Variants in NPRL2 observed in about 807,000 individuals in gnomAD.
NPRL2 encodes the protein NPR2 like, GATOR1 complex subunit.
Under a neutral mutation model 51.1 loss-of-function variants are expected in NPRL2, and 21 were observed. The observed-to-expected ratio is 0.41, with a 90% CI of 0.29 to 0.59. NPRL2 has a LOEUF of 0.59. NPRL2 is among the 20% of genes least tolerant of loss of function. The probability of loss-of-function intolerance (pLI) is 0.29; values close to 1 mark genes in which losing one functional copy is unlikely to be tolerated. For missense variants in NPRL2, 376 were observed against 483.4 expected, an observed-to-expected ratio of 0.78 and a Z score of 2.08; for synonymous variants, 175 against 187.8, an observed-to-expected ratio of 0.93 and a Z score of 0.56.
chr3:50,348,890 T>C lies in NPRL2; in HGVS notation c.569A>G (p.Asp190Gly). 1 of 1,613,966 alleles carries C rather than the reference T, an allele frequency of 6.2e-7. No homozygotes were observed. The highest frequency in any genetic ancestry group is 1.6e-4 in the Middle Eastern group (1 of 6,062). ...DKEDFFNSQW[D>G]LTTQQILPYI... is the part of the protein sequence containing the mutation. Reference sequence around the variant, plus strand: ...ATGGCATACTTGTTGTGTAGTGAGGTCCCACTGTGAGTTGAAGAAATCCTC... The same window carrying C: ...ATGGCATACTTGTTGTGTAGTGAGGCCCCACTGTGAGTTGAAGAAATCCTC... Residue 190 changes from aspartate to glycine, a missense_variant, in exon 5 of 11, where the codon GAC becomes GGC. Asp to Gly is a moderately conservative substitution (Grantham distance 94, BLOSUM62 -1). Transcript: ENST00000232501. The surrounding 1 kb of genome is among the most constrained non-coding windows in gnomAD (Gnocchi z 5.8).
At position 50,348,899 on chromosome 3, in the gene NPRL2, G is replaced by A. The variant is rs1703650299; in HGVS notation, c.560C>T (p.Ser187Leu). Residue 187 changes from serine to leucine, a missense_variant, in exon 5 of 11, where the codon TCA (serine) becomes TTA (leucine). Transcript: ENST00000232501. This position sits in a 1 kb window ranked among gnomAD's most constrained non-coding sequence, Gnocchi z 5.8. ...TTGTTGTGTAGTGAGGTCCCACTGTGAGTTGAAGAAATCCTCCTTGTCTTT... is the reference window on the plus strand; with the variant it reads ...TTGTTGTGTAGTGAGGTCCCACTGTAAGTTGAAGAAATCCTCCTTGTCTTT... The part of the protein sequence containing the change: ...FTKDKEDFFN[S>L]QWDLTTQQIL... 1.9e-6 allele frequency: 3 copies of A among 1,613,952 alleles called. No individual in the cohort carries two copies. Among genetic ancestry groups the A allele is most frequent in the Non-Finnish European group, 2.5e-6 (3 of 1,180,030 alleles).
Position 50,347,650 on chromosome 3 carries a change from C to T in NPRL2, c.1099G>A (p.Glu367Lys), listed in dbSNP as rs1453959857. The part of the protein sequence containing the change: ...KTGMSYHELD[E>K]RLENDPNIII... ...ATGTTGGGGTCATTTTCAAGCCGCTCATCCAGCTCATGGTAGCTCATGCCT... is the reference window on the plus strand; with the variant it reads ...ATGTTGGGGTCATTTTCAAGCCGCTTATCCAGCTCATGGTAGCTCATGCCT... The change falls in exon 11 of 11, where the codon GAG becomes AAG. Residue 367 changes from glutamate to lysine, a missense_variant. Glu to Lys is a moderately conservative substitution (Grantham distance 56, BLOSUM62 1). Coordinates refer to ENST00000232501, the MANE Select transcript of NPRL2 (RefSeq NM_006545.5). The T allele has an allele frequency of 6.2e-7, 1 of 1,614,110 alleles. No individual in the cohort carries two copies. The highest frequency in any genetic ancestry group is 8.5e-7 in the Non-Finnish European group (1 of 1,180,046).
rs766898010 is a variant in NPRL2, at chr3:50,350,740, G to A, written c.-88C>T. 6.6e-7 allele frequency: 1 copy of A among 1,518,242 alleles called. No homozygotes were observed. The highest frequency in any genetic ancestry group is 2.5e-5 in the East Asian group (1 of 40,548). The allele number at this position is 1,518,242 out of a possible 1,614,324, so 94.0% of individuals were successfully genotyped here. On this transcript the variant is annotated 5_prime_UTR_variant, in exon 1 of 11. Transcript: ENST00000232501. The surrounding 1 kb of genome is among the most constrained non-coding windows in gnomAD (Gnocchi z 5.7). The stretch of plus-strand genomic sequence containing the variant: ...GTGAACACTTGTCAGAGACAGCCTC[G>A]AGGCCTGTGTCGCTGGGGCACGCAA...
In NPRL2 at chr3:50,347,346, TTTTTTTTTTTG is replaced by T; in HGVS notation, c.*249_*259del. 3 of 238,888 alleles carry T rather than the reference TTTTTTTTTTTG, an allele frequency of 1.3e-5. No homozygotes were observed. Among genetic ancestry groups the T allele is most frequent in the Non-Finnish European group, 1.6e-5 (2 of 122,974 alleles). 14.8% of individuals were successfully genotyped at this position (238,888 alleles called of 1,614,324 possible). On this transcript the variant is annotated 3_prime_UTR_variant, in exon 11 of 11. Transcript: ENST00000232501. The stretch of plus-strand genomic sequence containing the variant: ...TCAGGACGATTTTTTTTTTTTTTTT[TTTTTTTTTTTG>T]TAATTAACCGGCACTTTTATTTGTC...
rs995558556 is a variant in NPRL2, at chr3:50,348,812, A to G, written c.586-30T>C. 2 of 1,614,018 alleles carry G rather than the reference A, an allele frequency of 1.2e-6. No individual in the cohort carries two copies. Among genetic ancestry groups the G allele is most frequent in the African/African-American group, 2.7e-5 (2 of 75,046 alleles). On this transcript the variant is annotated intron_variant, in intron 5 of 10. Transcript: ENST00000232501. This position sits in a 1 kb window ranked among gnomAD's most constrained non-coding sequence, Gnocchi z 5.8. ...GCAGAGTGGGACAAGGTCAGAAGAAACAGGATGAGGCCAGGGCTGTGGCCA... is the reference window on the plus strand; with the variant it reads ...GCAGAGTGGGACAAGGTCAGAAGAAGCAGGATGAGGCCAGGGCTGTGGCCA...
Position 50,348,457 on chromosome 3 carries a change from A to G in NPRL2, c.721-47T>C. ...AGGGGCCTGAGTGAGGGGCTTGGGA[A>G]GCTGACACAGCCCTGGTCTGGTCCA... On this transcript the variant is annotated intron_variant, in intron 7 of 10. Coordinates refer to ENST00000232501, the MANE Select transcript of NPRL2 (RefSeq NM_006545.5). The surrounding 1 kb of genome is among the most constrained non-coding windows in gnomAD (Gnocchi z 5.8). 1 of 1,613,324 alleles carries G rather than the reference A, an allele frequency of 6.2e-7. No homozygotes were observed. The highest frequency in any genetic ancestry group is 8.5e-7 in the Non-Finnish European group (1 of 1,179,456).
chr3:50,347,753 C>T lies in NPRL2; in HGVS notation c.1075+6G>A, dbSNP rs587606545. The T allele has an allele frequency of 6.2e-6, 10 of 1,613,948 alleles. No homozygotes were observed. In the South Asian group the frequency reaches 8.8e-5, roughly 14 times the overall value. ...GAACCCACCCTGACTGCCCGCCTGC[C>T]TCCACCTGTCTTGCAGCAGATCTCG... On this transcript the variant is annotated splice_donor_region_variant and intron_variant, in intron 10 of 10. Coordinates refer to ENST00000232501, the MANE Select transcript of NPRL2 (RefSeq NM_006545.5).
chr3:50,349,403 C>T lies in NPRL2; in HGVS notation c.431G>A (p.Arg144Gln), dbSNP rs766337806. 39 of 1,613,394 alleles carry T rather than the reference C, an allele frequency of 2.4e-5. No individual in the cohort carries two copies. The South Asian group carries it at 3.2e-4, about 13-fold the overall frequency. The change falls in exon 4 of 11, where the codon CGG (arginine) becomes CAG (glutamine). Residue 144 changes from arginine to glutamine, a missense_variant. Coordinates refer to ENST00000232501, the MANE Select transcript of NPRL2 (RefSeq NM_006545.5). This position sits in a 1 kb window ranked among gnomAD's most constrained non-coding sequence, Gnocchi z 4.6. ...GGCCATACCAATGGGCAGAGTGCAC[C>T]GGCCTGAGGCATTTAGCTCCTCCAG... ...ILLEELNASG[R>Q]CTLPIDESNT...
chr3:50,347,736 C>T (rs374135407), intron 10 of NPRL2, 23 bp downstream of exon 10: 34 of 1,613,672 alleles, frequency 2.1e-5, no homozygotes, highest in Non-Finnish European at 2.7e-5. Flanking sequence ...CTGAACCCAC[C>T]CTGACTGCCC....
At position 50,349,783 on chromosome 3, in the gene NPRL2, T is replaced by C. The variant is rs767360726; in HGVS notation, c.221A>G (p.Lys74Arg). 3.7e-6 allele frequency: 6 copies of C among 1,613,972 alleles called. No homozygotes were observed. Among genetic ancestry groups the C allele is most frequent in the Non-Finnish European group, 4.2e-6 (5 of 1,179,994 alleles). Residue 74 changes from lysine (K) to arginine (R), a missense_variant, in exon 3 of 11, where the codon AAG becomes AGG. Coordinates refer to ENST00000232501, the MANE Select transcript of NPRL2 (RefSeq NM_006545.5). This position sits in a 1 kb window ranked among gnomAD's most constrained non-coding sequence, Gnocchi z 4.6. Reference sequence around the variant, plus strand: ...GAGGAGAGCATTGCGGCTGTACTTCTTGTGTTCGATGCACACAGGACAGCC... The same window carrying C: ...GAGGAGAGCATTGCGGCTGTACTTCCTGTGTTCGATGCACACAGGACAGCC... The part of the protein sequence containing the change: ...LIGCPVCIEH[K>R]KYSRNALLFN...
Position 50,349,284 on chromosome 3 carries a change from C to T in NPRL2, c.448+102G>A. ...ACCTCAGCCCATGGCTATTTCCTGC[C>T]CACCAATGTGTTCATGAGTCTTGCC... On this transcript the variant is annotated intron_variant, in intron 4 of 10. Coordinates refer to ENST00000232501, the MANE Select transcript of NPRL2 (RefSeq NM_006545.5). This position sits in a 1 kb window ranked among gnomAD's most constrained non-coding sequence, Gnocchi z 4.6. The T allele has an allele frequency of 1.8e-6, 2 of 1,082,672 alleles. No homozygotes were observed. Among genetic ancestry groups the T allele is most frequent in the South Asian group, 1.3e-5 (1 of 74,782 alleles). 67.1% of individuals were successfully genotyped at this position (1,082,672 alleles called of 1,614,324 possible). A position where few individuals can be genotyped will look rare whatever the true frequency, so the allele number is the denominator to read the frequency against.
rs764814168 is a variant in NPRL2 at position 50,347,777 on chromosome 3, CG to C, written c.1056del (p.Asp352GlufsTer9). The C allele has an allele frequency of 6.2e-7, 1 of 1,613,944 alleles. No homozygotes were observed. The highest frequency in any genetic ancestry group is 1.1e-5 in the South Asian group (1 of 91,082). ...CCTCCACCTGTCTTGCAGCAGATCT[CG>C]TCATAGCTGTGGCAGCCTGTATAAA... ...ARLYTGCHSY[D>X]EICCKTGMSY... is the part of the protein sequence containing the mutation. On this transcript the variant is annotated frameshift_variant, in exon 10 of 11. Transcript: ENST00000232501. LOFTEE classifies it high-confidence loss of function.
rs1703719475 is a variant in NPRL2, at chr3:50,350,448, C to T, written c.78+127G>A. On this transcript the variant is annotated intron_variant, in intron 1 of 10. Coordinates refer to ENST00000232501, the MANE Select transcript of NPRL2 (RefSeq NM_006545.5). The surrounding 1 kb of genome is among the most constrained non-coding windows in gnomAD (Gnocchi z 5.7). ...GGGCCTGGGTCTGACTATCCTCTAG[C>T]CTCACAGTTGTCTGCGAATGAAGCA... 3.0e-6 allele frequency: 3 copies of T among 1,004,034 alleles called. No homozygotes were observed. Among genetic ancestry groups the T allele is most frequent in the Non-Finnish European group, 4.4e-6 (3 of 681,898 alleles). The allele number at this position is 1,004,034 out of a possible 1,614,324, so 62.2% of individuals were successfully genotyped here.
At position 50,350,615 on chromosome 3, in the gene NPRL2, C is replaced by T; in HGVS notation, c.38G>A (p.Ser13Asn). ...GGGTCCCAGCGTGGGGTGGAACTCGCTGAAGAATATGCATTCGATGCGGCA... is the reference window on the plus strand; with the variant it reads ...GGGTCCCAGCGTGGGGTGGAACTCGTTGAAGAATATGCATTCGATGCGGCA... ...SGCRIECIFF[S>N]EFHPTLGPKI... The change falls in exon 1 of 11, where the codon AGC (serine) becomes AAC (asparagine). Residue 13 changes from serine (S) to asparagine (N), a missense_variant. Coordinates refer to ENST00000232501, the MANE Select transcript of NPRL2 (RefSeq NM_006545.5). The surrounding 1 kb of genome is among the most constrained non-coding windows in gnomAD (Gnocchi z 5.7). 6.2e-7 allele frequency: 1 copy of T among 1,609,986 alleles called. No homozygotes were observed. The highest frequency in any genetic ancestry group is 8.5e-7 in the Non-Finnish European group (1 of 1,178,574).
intron 10 of NPRL2, 35 bp downstream of exon 10, chr3:50,347,724 C>G (rs746783715): frequency 3.1e-6 from 5 of 1,613,736 alleles, no homozygotes; most frequent in Admixed American, 1.7e-5. Flanking sequence ...GGCCACCCTG[C>G]CCTGAACCCA....
chr3:50,348,634 G>A lies in NPRL2; in HGVS notation c.683+51C>T, dbSNP rs2233483. 1.2e-6 allele frequency: 2 copies of A among 1,613,736 alleles called. No homozygotes were observed. Among genetic ancestry groups the A allele is most frequent in the Non-Finnish European group, 1.7e-6 (2 of 1,179,728 alleles). On this transcript the variant is annotated intron_variant, in intron 6 of 10. Coordinates refer to ENST00000232501, the MANE Select transcript of NPRL2 (RefSeq NM_006545.5). The surrounding 1 kb of genome is among the most constrained non-coding windows in gnomAD (Gnocchi z 5.8). ...AACCCTCACACCCAGGGCCCCTGAG[G>A]TCTTCCCTGGCTGGTGACCTTGTCC...
At position 50,349,477 on chromosome 3, in the gene NPRL2, C is replaced by A; in HGVS notation, c.357G>T (p.Val119=). 6.2e-7 allele frequency: 1 copy of A among 1,613,856 alleles called. No homozygotes were observed. ...ACTTCTGCTTGCTCTCCTCCATGGA[C>A]ACGAAGCTGCTCTCTAGCTAGACAG... The part of the protein sequence containing the change: ...LTTLELESSF[V]SMEESKQKLV... The change falls in exon 4 of 11, where the codon GTG becomes GTT. Residue 119 remains valine (V), a synonymous_variant. Coordinates refer to ENST00000232501, the MANE Select transcript of NPRL2 (RefSeq NM_006545.5). This position sits in a 1 kb window ranked among gnomAD's most constrained non-coding sequence, Gnocchi z 4.6.
rs1264910773 is a variant in NPRL2, at chr3:50,349,556, T to A, written c.340-62A>T. ...AGGACCCCTGGCTGGTTGGCTGCCC[T>A]GAGTCCTGAGCTGGTTTGCAGGGTC... is the stretch of plus-strand genomic sequence containing the variant. On this transcript the variant is annotated intron_variant, in intron 3 of 10. Coordinates refer to ENST00000232501, the MANE Select transcript of NPRL2 (RefSeq NM_006545.5). The surrounding 1 kb of genome is among the most constrained non-coding windows in gnomAD (Gnocchi z 4.6). 1.9e-6 allele frequency: 3 copies of A among 1,611,590 alleles called. No individual in the cohort carries two copies. The highest frequency in any genetic ancestry group is 2.5e-6 in the Non-Finnish European group (3 of 1,178,108).
At position 50,349,348 on chromosome 3, in the gene NPRL2, C is replaced by T; in HGVS notation, c.448+38G>A. 2 of 1,558,026 alleles carry T rather than the reference C, an allele frequency of 1.3e-6. No individual in the cohort carries two copies. Among genetic ancestry groups the T allele is most frequent in the Non-Finnish European group, 1.8e-6 (2 of 1,130,154 alleles). Reference sequence around the variant, plus strand: ...AGCTGGGTTCACTTTCCCATCTCTCCTCTACCCCTCTGCTGTCCTTGCAGA... The same window carrying T: ...AGCTGGGTTCACTTTCCCATCTCTCTTCTACCCCTCTGCTGTCCTTGCAGA... On this transcript the variant is annotated intron_variant, in intron 4 of 10. Transcript: ENST00000232501. This position sits in a 1 kb window ranked among gnomAD's most constrained non-coding sequence, Gnocchi z 4.6.
Sources: gnomAD v4.1 joint callset for allele counts on GRCh38, gnomAD v4.1.1 for gene constraint, Gnocchi (gnomAD v3.1) non-coding constraint, MANE v1.5 for transcripts, NCBI Gene and HGNC (gene_info 2026-07-23, HGNC 2026-07-21) for gene names.